MLLT10: variants seen among roughly 807,000 people sequenced by gnomAD.
The protein encoded by MLLT10 is MLLT10 histone lysine methyltransferase DOT1L cofactor, also known as protein AF-10.
MLLT10 carries 30 observed loss-of-function variants against 129.1 expected under a neutral mutation model. The observed-to-expected ratio is 0.23, with a 90% CI of 0.17 to 0.32. The LOEUF (loss-of-function observed/expected upper bound fraction) is 0.32, where lower values mean the gene tolerates loss of function less well. Among genes scored for constraint, MLLT10 ranks in the 10% least tolerant of loss-of-function variants. The pLI is 1.00. For synonymous variants in MLLT10, 490 were observed against 446.4 expected (o/e 1.10, Z -1.23); for missense variants, 1,119 against 1,268.3 (o/e 0.88, Z 1.79).
At chr10:21,578,828 C>T (rs1448120988) in intron 3 of MLLT10, among the ~76,000 whole-genome samples, 1 of 152,084 alleles carries the variant, frequency 6.6e-6, no homozygotes, top group East Asian at 1.9e-4. Context: ...ATGCTATTGT[C>T]ATGTGTGTTG....
chr10:21,713,809 A>G lies in MLLT10; in HGVS notation c.1737A>G (p.Pro579=). 6 of 1,613,794 alleles carry G rather than the reference A, an allele frequency of 3.7e-6. No individual in the cohort carries two copies. Among genetic ancestry groups the G allele is most frequent in the Non-Finnish European group, 5.1e-6 (6 of 1,179,866 alleles). The stretch of plus-strand genomic sequence containing the variant: ...GCAATGATGTAGCAGTATCGTTTCC[A>G]AATGTAGTATCTGGCTCGGGATCTA... The part of the protein sequence containing the change: ...YNSNDVAVSF[P]NVVSGSGSST... Residue 579 remains proline (P), a synonymous_variant, in exon 14 of 23, where the codon CCA becomes CCG. Coordinates refer to ENST00000307729, the MANE Select transcript of MLLT10 (RefSeq NM_001195626.3).
In MLLT10 at chr10:21,701,724, C is replaced by G. The variant is rs202221109; in HGVS notation, c.1700-12048C>G. ...GCCTCAGCCTCCTGAGTAGCTGGGA[C>G]TATAGGCATGTACCACCACGCCTGG... On this transcript the variant is annotated intron_variant, in intron 13 of 22. Coordinates refer to ENST00000307729, the MANE Select transcript of MLLT10 (RefSeq NM_001195626.3). Among the ~76,000 whole-genome samples, 6 of 151,902 alleles carry G rather than the reference C, an allele frequency of 3.9e-5. No individual in the cohort carries two copies. In the East Asian group the frequency reaches 1.2e-3, roughly 29 times the overall value.
chr10:21,631,236 C>T (rs1279848703), intron 8 of MLLT10, among the ~76,000 whole-genome samples: 1 of 149,970 alleles, frequency 6.7e-6, no homozygotes, highest in East Asian at 2.0e-4. Context: ...ATGGCGTCAA[C>T]CTGGGAGGCG....
At position 21,733,888 on chromosome 10, in the gene MLLT10, G is replaced by T. The variant is rs377304529; in HGVS notation, c.2617G>T (p.Val873Leu). 1.2e-6 allele frequency: 2 copies of T among 1,614,188 alleles called. No individual in the cohort carries two copies. The highest frequency in any genetic ancestry group is 4.5e-5 in the East Asian group (2 of 44,880). Residue 873 changes from valine to leucine, a missense_variant, in exon 20 of 23, where the codon GTG (valine) becomes TTG (leucine). Physicochemically the swap from Val to Leu is conservative, Grantham distance 32 (BLOSUM62 1). Coordinates refer to ENST00000307729, the MANE Select transcript of MLLT10 (RefSeq NM_001195626.3). ...GAGTGGAGTTCAGCAGGTCAATGGCGTGACAGTGGGGGCACTAGCTAGTGG... is the reference window on the plus strand; with the variant it reads ...GAGTGGAGTTCAGCAGGTCAATGGCTTGACAGTGGGGGCACTAGCTAGTGG... ...GVSGVQQVNG[V>L]TVGALASGMQ...
intron 9 of MLLT10, among the ~76,000 whole-genome samples, chr10:21,667,828 T>G (rs148149031): frequency 6.6e-6 from 1 of 152,274 alleles, no homozygotes; most frequent in East Asian, 1.9e-4. Flanking sequence ...TGGATCTAGT[T>G]TTAAATTTTT....
At chr10:21,580,205 G>A (rs1201240026) in intron 3 of MLLT10, among the ~76,000 whole-genome samples, 5 of 151,174 alleles carry the variant, frequency 3.3e-5, no homozygotes, top group African/African-American at 7.3e-5. Flanking sequence ...TTTTATTGTT[G>A]TTGCTGAGAC....
rs1358830387 is a variant in MLLT10, at chr10:21,621,202, G to A, written c.699+3995G>A. Reference sequence around the variant, plus strand: ...GTAGAGATGGGGTTTCACTGTGTTAGCCAGGATGGTCTCGATCTCCTGACC... The same window carrying A: ...GTAGAGATGGGGTTTCACTGTGTTAACCAGGATGGTCTCGATCTCCTGACC... On this transcript the variant is annotated intron_variant, in intron 8 of 22. Transcript: ENST00000307729. 2.2e-5 allele frequency among the ~76,000 whole-genome samples: 3 copies of A among 135,098 alleles called. No homozygotes were observed. The Admixed American group carries it at 2.4e-4, about 11-fold the overall frequency. The allele number at this position is 135,098 out of a possible 152,430, so 88.6% of individuals were successfully genotyped here.
At chr10:21,570,593 C>A (rs1236674884) in intron 3 of MLLT10, among the ~76,000 whole-genome samples, 1 of 139,936 alleles carries the variant, frequency 7.1e-6, no homozygotes, top group African/African-American at 2.7e-5. Context: ...TTTTTTTTTT[C>A]TGTGTTTCAT....
chr10:21,732,356 T>G (rs901761600), intron 17 of MLLT10, among the ~76,000 whole-genome samples: 2 of 152,162 alleles, frequency 1.3e-5, no homozygotes, highest in African/African-American at 4.8e-5. Context: ...GGCGCACACA[T>G]AGCGCTCCCT....
At chr10:21,723,381 C>G (rs1396235003) in intron 14 of MLLT10, among the ~76,000 whole-genome samples, 1 of 152,146 alleles carries the variant, frequency 6.6e-6, no homozygotes, top group Non-Finnish European at 1.5e-5. Flanking sequence ...GAGTATATTT[C>G]TAGTTCTAGT....
At chr10:21,606,084 G>T (rs1201605714) in intron 5 of MLLT10, among the ~76,000 whole-genome samples, 6 of 151,988 alleles carry the variant, frequency 3.9e-5, no homozygotes, top group Non-Finnish European at 7.4e-5. Flanking sequence ...ATCTGTTATG[G>T]TTATGTATGA....
In MLLT10 at chr10:21,727,887, A is replaced by C; in HGVS notation, c.2022A>C (p.Leu674=). ...ATCTTGGAGACAATAGCCGCAACCT[A>C]GTTGGCAGAGGAAGCTCACCCCGAG... ...DQDLGDNSRN[L]VGRGSSPRGS... The change falls in exon 16 of 23, where the codon CTA becomes CTC. Residue 674 remains leucine (L), a synonymous_variant. Coordinates refer to ENST00000307729, the MANE Select transcript of MLLT10 (RefSeq NM_001195626.3). 6.2e-7 allele frequency: 1 copy of C among 1,614,098 alleles called. No homozygotes were observed. The highest frequency in any genetic ancestry group is 1.1e-5 in the South Asian group (1 of 91,058).
rs190763711 is a variant in MLLT10 at position 21,721,218 on chromosome 10, T to A, written c.1879-5026T>A. ...ATTGTGCATTAAAAAAAATGCTTGC[T>A]ATATATAACCTGTTCCTGTATGATT... is the stretch of plus-strand genomic sequence containing the variant. On this transcript the variant is annotated intron_variant, in intron 14 of 22. Coordinates refer to ENST00000307729, the MANE Select transcript of MLLT10 (RefSeq NM_001195626.3). Among the ~76,000 whole-genome samples, 4 of 152,326 alleles carry A rather than the reference T, an allele frequency of 2.6e-5. No homozygotes were observed. The East Asian group carries it at 7.7e-4, about 29-fold the overall frequency.
intron 8 of MLLT10, among the ~76,000 whole-genome samples, chr10:21,645,502 A>C (rs2048388771): frequency 6.6e-6 from 1 of 152,194 alleles, no homozygotes; most frequent in African/African-American, 2.4e-5. Context: ...AGTCATATTA[A>C]AATAACTCAC....
chr10:21,707,890 CT>C (rs1262450204), intron 13 of MLLT10, among the ~76,000 whole-genome samples: 10 of 152,126 alleles, frequency 6.6e-5, no homozygotes, highest in African/African-American at 2.4e-4. Flanking sequence ...GTTTTTCTGT[CT>C]TACTCTTTGT....
chr10:21,714,045 C>G, intron 14 of MLLT10, 95 bp downstream of exon 14: 5 of 1,029,968 alleles, frequency 4.9e-6, no homozygotes, highest in Non-Finnish European at 6.8e-6. Flanking sequence ...ATAGGGCCTT[C>G]TATAGGAATT....
intron 3 of MLLT10, among the ~76,000 whole-genome samples, chr10:21,575,691 A>ATTTGG (rs912335842): frequency 6.6e-6 from 1 of 151,960 alleles, no homozygotes; most frequent in Non-Finnish European, 1.5e-5. Context: ...TATTATTTTT[A>ATTTGG]TTTGGTTTGG....
intron 9 of MLLT10, among the ~76,000 whole-genome samples, chr10:21,662,533 G>T (rs1040506713): frequency 1.3e-5 from 2 of 151,796 alleles, no homozygotes; most frequent in African/African-American, 4.8e-5. Context: ...CTTCATTTCT[G>T]TTTGTTTTTG....
At chr10:21,625,313 C>A in intron 8 of MLLT10, 1 of 795,122 alleles carries the variant, frequency 1.3e-6, no homozygotes, top group Non-Finnish European at 2.2e-6. Context: ...AACAGCTGCT[C>A]GTCTGTCTTC....
Sources: allele counts gnomAD v4.1 joint callset (sites outside exome capture counted in the v4.1 genomes callset), GRCh38; gene constraint gnomAD v4.1.1; transcripts MANE v1.5; gene names NCBI Gene and HGNC (gene_info 2026-07-23, HGNC 2026-07-21).